The following IQCH variants were observed in gnomAD, a reference collection of about 807,000 sequenced individuals.
The protein encoded by IQCH is IQ domain-containing protein H.
IQCH carries 98 observed loss-of-function variants against 117.0 expected under a neutral mutation model. That is an observed-to-expected ratio of 0.84 (90% confidence interval 0.71 to 0.99). The LOEUF (loss-of-function observed/expected upper bound fraction) is 0.99. Among genes scored for constraint, IQCH ranks in the 50% least tolerant of loss-of-function variants. The pLI is 0.00. For synonymous variants in IQCH, 412 were observed against 448.2 expected (o/e 0.92, Z 1.02); for missense variants, 1,102 against 1,243.8 (o/e 0.89, Z 1.72).
In IQCH at chr15:67,258,487, C is replaced by T. The variant is rs532611644; in HGVS notation, c.52-2785C>T. On this transcript the variant is annotated intron_variant, in intron 1 of 20. Transcript: ENST00000335894. The stretch of plus-strand genomic sequence containing the variant: ...TGGAGGTTGCAGTGAGCCAAGATCG[C>T]GCCATTGCACTCCAGCCTGGGGGAC... 3.6e-4 allele frequency among the ~76,000 whole-genome samples: 53 copies of T among 148,832 alleles called. 1 individual carries two copies. The South Asian group carries it at 8.7e-3, about 24-fold the overall frequency.
chr15:67,315,329 T>G (rs1160341650), intron 4 of IQCH, among the ~76,000 whole-genome samples: 1 of 152,178 alleles, frequency 6.6e-6, no homozygotes, highest in Non-Finnish European at 1.5e-5. Flanking sequence ...CACACTTTTA[T>G]AGTCTGATGC....
chr15:67,438,917 A>G (rs1267961211), intron 16 of IQCH, among the ~76,000 whole-genome samples: 14 of 152,228 alleles, frequency 9.2e-5, no homozygotes, highest in Admixed American at 8.5e-4. Flanking sequence ...ACAATTACTA[A>G]TAGACCAAAG....
chr15:67,339,295 T>G (rs951348863), intron 5 of IQCH, among the ~76,000 whole-genome samples: 2 of 152,120 alleles, frequency 1.3e-5, no homozygotes, highest in Non-Finnish European at 2.9e-5. Context: ...AGGATAACTT[T>G]CAAAAACAGC....
At chr15:67,291,821 A>G (rs1966761205) in intron 4 of IQCH, among the ~76,000 whole-genome samples, 2 of 152,204 alleles carry the variant, frequency 1.3e-5, no homozygotes, top group Admixed American at 6.5e-5. Context: ...CTGCCCTCTC[A>G]TTAGAATGTA....
At chr15:67,487,698 A>T (rs2083529572) in intron 18 of IQCH, among the ~76,000 whole-genome samples, 1 of 152,134 alleles carries the variant, frequency 6.6e-6, no homozygotes, top group African/African-American at 2.4e-5. Context: ...TCTAATGTGC[A>T]GCCAGCGTTG....
chr15:67,371,600 G>A lies in IQCH; in HGVS notation c.754-511G>A, dbSNP rs528013199. ...TGGATATTAAGAGAAGATGGCAGAA[G>A]AACTATAAAATGCTAAAAAGTGATG... On this transcript the variant is annotated intron_variant, in intron 8 of 20. Coordinates refer to ENST00000335894, the MANE Select transcript of IQCH (RefSeq NM_001031715.3). 73 of 962,284 alleles carry A rather than the reference G, an allele frequency of 7.6e-5. 2 individuals are homozygous for A. In the South Asian group the frequency reaches 1.1e-3, roughly 14 times the overall value. 59.6% of individuals were successfully genotyped at this position (962,284 alleles called of 1,614,324 possible).
chr15:67,442,877 T>TATATATAAAATACATATATATATAC (rs1567193367), intron 16 of IQCH, among the ~76,000 whole-genome samples: 10 of 146,774 alleles, frequency 6.8e-5, no homozygotes, highest in African/African-American at 2.5e-4. Flanking sequence ...TACATATATA[T>TATATATAAAATACATATATATATAC]ATATATAAAA....
chr15:67,477,777 T>C (rs2083241226), intron 18 of IQCH, among the ~76,000 whole-genome samples: 1 of 152,208 alleles, frequency 6.6e-6, no homozygotes, highest in Admixed American at 6.5e-5. Context: ...AAAGGCATAT[T>C]TGGCAGGGAC....
intron 18 of IQCH, among the ~76,000 whole-genome samples, chr15:67,477,151 A>T (rs1276869341): frequency 6.8e-6 from 1 of 146,206 alleles, no homozygotes; most frequent in African/African-American, 2.5e-5. Context: ...CCTGGGTTCA[A>T]GTGATTCTCC....
chr15:67,318,250 T>G (rs2140584477), intron 4 of IQCH, among the ~76,000 whole-genome samples: 1 of 152,216 alleles, frequency 6.6e-6, no homozygotes, highest in Non-Finnish European at 1.5e-5. Flanking sequence ...CCTTTTTGTT[T>G]CTCTCTTTCT....
In IQCH at chr15:67,476,912, A is replaced by G. The variant is rs561862386; in HGVS notation, c.2799+1094A>G. On this transcript the variant is annotated intron_variant, in intron 18 of 20. Transcript: ENST00000335894. The surrounding 1 kb of genome is among the most constrained non-coding windows in gnomAD (Gnocchi z 4.1). ...GGTATATATAATGACATAAGAATTG[A>G]GTAGTAACCAGTTGATCAGATGTTT... 1.9e-4 allele frequency among the ~76,000 whole-genome samples: 29 copies of G among 152,168 alleles called. No homozygotes were observed. Among genetic ancestry groups the G allele is most frequent in the Non-Finnish European group, 4.0e-4 (27 of 68,038 alleles).
At position 67,443,241 on chromosome 15, in the gene IQCH, C is replaced by T. The variant is rs1329194288; in HGVS notation, c.2505+21664C>T. Among the ~76,000 whole-genome samples the T allele has an allele frequency of 6.6e-6, 1 of 152,212 alleles. No individual in the cohort carries two copies. The highest frequency in any genetic ancestry group is 1.5e-5 in the Non-Finnish European group (1 of 68,048). ...TCTCCTGAACTCGTCATCCACCCGC[C>T]TCGGCCTCCCAAAGTGCTGGGATTA... On this transcript the variant is annotated intron_variant, in intron 16 of 20. Coordinates refer to ENST00000335894, the MANE Select transcript of IQCH (RefSeq NM_001031715.3). This position sits in a 1 kb window ranked among gnomAD's most constrained non-coding sequence, Gnocchi z 5.0.
intron 10 of IQCH, among the ~76,000 whole-genome samples, chr15:67,379,214 C>G (rs1206282494): frequency 6.6e-6 from 1 of 152,156 alleles, no homozygotes; most frequent in Non-Finnish European, 1.5e-5. Flanking sequence ...TGAAGAAAAT[C>G]TAGCCCTACA....
At position 67,465,349 on chromosome 15, in the gene IQCH, C is replaced by T. The variant is rs1467394388; in HGVS notation, c.2676+52C>T. On this transcript the variant is annotated intron_variant, in intron 17 of 20. Coordinates refer to ENST00000335894, the MANE Select transcript of IQCH (RefSeq NM_001031715.3). This position sits in a 1 kb window ranked among gnomAD's most constrained non-coding sequence, Gnocchi z 5.9. ...TCTCGGTGTTCAGCAACACCCACTG[C>T]CACTGCCTGAGCTCTGTCTAGGAGC... 5.1e-6 allele frequency: 8 copies of T among 1,565,376 alleles called. No individual in the cohort carries two copies. In the African/African-American group the frequency reaches 1.1e-4, roughly 21 times the overall value.
intron 6 of IQCH, among the ~76,000 whole-genome samples, chr15:67,352,843 T>C (rs1292332139): frequency 2.6e-5 from 4 of 152,188 alleles, no homozygotes; most frequent in African/African-American, 4.8e-5. Flanking sequence ...TTTCATCACT[T>C]CTGAGCAACC....
chr15:67,392,282 G>T (rs890253159), intron 12 of IQCH, among the ~76,000 whole-genome samples: 1 of 152,116 alleles, frequency 6.6e-6, no homozygotes, highest in East Asian at 1.9e-4. Context: ...CAAGGACATC[G>T]TAACTCAAGT....
chr15:67,420,015 C>G lies in IQCH; in HGVS notation c.2219-1276C>G, dbSNP rs911509971. Among the ~76,000 whole-genome samples, 110 of 152,294 alleles carry G rather than the reference C, an allele frequency of 7.2e-4. 1 individual carries two copies. The highest frequency in any genetic ancestry group is 4.1e-4 in the South Asian group (2 of 4,822). On this transcript the variant is annotated intron_variant, in intron 15 of 20. Coordinates refer to ENST00000335894, the MANE Select transcript of IQCH (RefSeq NM_001031715.3). ...TAGAGACTCACTAGGTTTTTTACTT[C>G]TGTAGATTTTTGTCATTGTTGTTTT...
At chr15:67,486,044 T>TC (rs1270791424) in intron 18 of IQCH, among the ~76,000 whole-genome samples, 4 of 145,712 alleles carry the variant, frequency 2.7e-5, no homozygotes, top group Non-Finnish European at 6.1e-5. Context: ...TTTTCTTTTT[T>TC]TTTTTTTTTT....
chr15:67,483,824 T>C (rs1340717091), intron 18 of IQCH, among the ~76,000 whole-genome samples: 1 of 152,100 alleles, frequency 6.6e-6, no homozygotes, highest in Non-Finnish European at 1.5e-5. Flanking sequence ...AAATCCCTAA[T>C]TGACTCATAC....
Sources: gnomAD v4.1 joint callset for allele counts (sites outside exome capture counted in the v4.1 genomes callset) on GRCh38, gnomAD v4.1.1 for gene constraint, Gnocchi (gnomAD v3.1) non-coding constraint, MANE v1.5 for transcripts, NCBI Gene and HGNC (gene_info 2026-07-23, HGNC 2026-07-21) for gene names.